GRID1: variants seen among roughly 807,000 people sequenced by gnomAD.
GRID1 encodes glutamate receptor ionotropic, delta-1.
In GRID1, 28 loss-of-function variants were observed where a neutral mutation model predicts 98.0. That is an observed-to-expected ratio of 0.29 (90% CI 0.21 to 0.39). The LOEUF is 0.39. Among genes scored for constraint, GRID1 ranks in the 10% least tolerant of loss-of-function variants. The probability of loss-of-function intolerance (pLI) is 1.00; values close to 1 mark genes in which losing one functional copy is unlikely to be tolerated. For missense variants in GRID1, 1,111 were observed against 1,340.5 expected (o/e 0.83, Z 2.67); for synonymous variants, 553 against 538.5 (o/e 1.03, Z -0.37).
chr10:85,661,939 G>T (rs766489087), intron 12 of GRID1, among the ~76,000 whole-genome samples: 24 of 152,154 alleles, frequency 1.6e-4, no homozygotes, highest in Admixed American at 3.9e-4. Flanking sequence ...TTCCAAGATG[G>T]TGCTCTCTTT....
chr10:85,832,228 C>G (rs937127463), intron 8 of GRID1, among the ~76,000 whole-genome samples: 24 of 151,976 alleles, frequency 1.6e-4, no homozygotes, highest in African/African-American at 5.1e-4. Context: ...TTATTCTGAA[C>G]ATTTAAGAAA....
intron 2 of GRID1, among the ~76,000 whole-genome samples, chr10:86,343,191 C>A (rs1023370928): frequency 6.6e-6 from 1 of 152,212 alleles, no homozygotes; most frequent in Non-Finnish European, 1.5e-5. Context: ...TCTAACAGAA[C>A]AGAACCTCCC....
chr10:85,794,499 T>C (rs774453511), intron 8 of GRID1, among the ~76,000 whole-genome samples: 1 of 152,188 alleles, frequency 6.6e-6, no homozygotes, highest in Non-Finnish European at 1.5e-5. Context: ...AAATATTTGA[T>C]TAAATGGATC....
chr10:86,170,923 G>A (rs891009901), intron 3 of GRID1, among the ~76,000 whole-genome samples: 16 of 152,102 alleles, frequency 1.1e-4, no homozygotes, highest in South Asian at 6.2e-4. Context: ...CAAGAAAAAC[G>A]TTTACCCCCC....
chr10:86,183,521 C>T (rs973129465), intron 3 of GRID1, among the ~76,000 whole-genome samples: 2 of 152,020 alleles, frequency 1.3e-5, no homozygotes, highest in Non-Finnish European at 1.5e-5. Context: ...CACCATACCC[C>T]GCTGATTTTG....
chr10:85,673,617 G>A (rs976091409), intron 12 of GRID1, among the ~76,000 whole-genome samples: 1 of 152,052 alleles, frequency 6.6e-6, no homozygotes, highest in Admixed American at 6.5e-5. Context: ...GCTCAGGTGG[G>A]GGTTAGTACT....
At chr10:85,704,221 C>T (rs1412087008) in intron 12 of GRID1, among the ~76,000 whole-genome samples, 1 of 152,036 alleles carries the variant, frequency 6.6e-6, no homozygotes, top group Non-Finnish European at 1.5e-5. Flanking sequence ...ATTCAGGAAA[C>T]CCATCTCACG....
intron 2 of GRID1, among the ~76,000 whole-genome samples, chr10:86,362,899 C>A (rs746073075): frequency 1.3e-4 from 20 of 152,280 alleles, no homozygotes; most frequent in Non-Finnish European, 2.2e-4. Context: ...CCCCTCTACA[C>A]TTCTCTACCA....
intron 8 of GRID1, among the ~76,000 whole-genome samples, chr10:85,814,847 A>G (rs1842702385): frequency 6.6e-6 from 1 of 151,962 alleles, no homozygotes; most frequent in African/African-American, 2.4e-5. Flanking sequence ...AATAATACCA[A>G]TTCTGCACAA....
At chr10:86,072,947 A>C (rs1226820702) in intron 4 of GRID1, among the ~76,000 whole-genome samples, 2 of 152,248 alleles carry the variant, frequency 1.3e-5, no homozygotes, top group Non-Finnish European at 2.9e-5. Flanking sequence ...CAAAGCCATA[A>C]TATTTGGAAA....
chr10:85,736,292 GAGAA>G (rs1440481270), intron 8 of GRID1, among the ~76,000 whole-genome samples: 1 of 151,030 alleles, frequency 6.6e-6, no homozygotes, highest in East Asian at 2.0e-4. Flanking sequence ...GGGAGAGAGG[GAGAA>G]AGAGAGGGAG....
At chr10:85,820,475 T>C (rs1270101657) in intron 8 of GRID1, among the ~76,000 whole-genome samples, 4 of 152,192 alleles carry the variant, frequency 2.6e-5, no homozygotes, top group Non-Finnish European at 5.9e-5. Context: ...CATATCCTAC[T>C]GCTCAAGGTC....
chr10:85,980,126 AC>A (rs1485642552), intron 4 of GRID1, among the ~76,000 whole-genome samples: 1 of 152,042 alleles, frequency 6.6e-6, no homozygotes, highest in Non-Finnish European at 1.5e-5. Context: ...CTCCTTCCCC[AC>A]CTGGGACTTA....
chr10:85,603,764 G>A (rs1033530746), intron 15 of GRID1, among the ~76,000 whole-genome samples: 5 of 152,118 alleles, frequency 3.3e-5, no homozygotes, highest in African/African-American at 1.2e-4. Flanking sequence ...CAGGGAATGT[G>A]GTGACCTTTC....
chr10:85,619,799 G>A (rs1842836799), intron 14 of GRID1, 68 bp downstream of exon 14: 2 of 1,231,174 alleles, frequency 1.6e-6, no homozygotes, highest in Non-Finnish European at 2.4e-6. Flanking sequence ...TCTTCTAAGA[G>A]GTTATTCTCC....
chr10:85,626,888 TG>T, intron 13 of GRID1, among the ~76,000 whole-genome samples: 1 of 152,298 alleles, frequency 6.6e-6, no homozygotes, highest in East Asian at 1.9e-4. Context: ...GGCAATTTGG[TG>T]GGGAGAATTG....
chr10:85,938,594 C>T (rs1416471174), intron 4 of GRID1, among the ~76,000 whole-genome samples: 2 of 152,074 alleles, frequency 1.3e-5, no homozygotes, highest in African/African-American at 2.4e-5. Flanking sequence ...TAAAATGCCA[C>T]GATACAAACG....
At chr10:86,111,570 C>T (rs1844484677) in intron 4 of GRID1, among the ~76,000 whole-genome samples, 1 of 152,204 alleles carries the variant, frequency 6.6e-6, no homozygotes, top group African/African-American at 2.4e-5. Flanking sequence ...ATAAATTAAA[C>T]TGGGCAAGAG....
At chr10:86,146,046 T>A (rs1845085412) in intron 3 of GRID1, among the ~76,000 whole-genome samples, 1 of 152,234 alleles carries the variant, frequency 6.6e-6, no homozygotes, top group Non-Finnish European at 1.5e-5. Context: ...TTTTAATACT[T>A]TCTTTCTGAA....
Sources: gnomAD v4.1 joint callset for allele counts (sites outside exome capture counted in the v4.1 genomes callset) on GRCh38, gnomAD v4.1.1 for gene constraint, MANE v1.5 for transcripts, NCBI Gene and HGNC (gene_info 2026-07-23, HGNC 2026-07-21) for gene names.